The following JMJD8 variants were observed in gnomAD, a reference collection of about 807,000 sequenced individuals.
The protein encoded by JMJD8 is jumonji domain containing 8, also known as jmjC domain-containing protein 8.
Under a neutral mutation model 37.6 loss-of-function variants are expected in JMJD8, and 56 were observed. The observed-to-expected ratio is 1.49, with a 90% confidence interval of 1.20 to 1.86. The LOEUF is 1.86. Ranked by LOEUF, JMJD8 falls within the 40% of genes most tolerant of loss-of-function variation. The pLI is 0.00. For missense variants in JMJD8, 542 were observed against 362.7 expected (o/e 1.49, Z -4.01); for synonymous variants, 261 against 163.7 (o/e 1.59, Z -4.54).
In JMJD8 at chr16:682,982, G is replaced by T; in HGVS notation, c.685C>A (p.Pro229Thr). 2.5e-6 allele frequency: 4 copies of T among 1,613,330 alleles called. No homozygotes were observed. The highest frequency in any genetic ancestry group is 1.3e-5 in the African/African-American group (1 of 75,064). The change falls in exon 8 of 9, where the codon CCC (proline) becomes ACC (threonine). Residue 229 changes from proline to threonine, a missense_variant. Transcript: ENST00000609261. ...TYPALPPSARPLECTIRAGEV... is the reference protein window; with the variant it reads ...TYPALPPSARTLECTIRAGEV... ...CCAGCCCGGATGGTACACTCCAGGG[G>T]CCGTGCAGACGGTGGCAGGGCTGGG...
rs772402519 is a variant in JMJD8, at chr16:684,074, G to A, written c.168C>T (p.Phe56=). Residue 56 remains phenylalanine, a synonymous_variant, in exon 2 of 9, where the codon TTC becomes TTT. Transcript: ENST00000609261. ...ATCAGGGGCGCACGTACTGCTGCAC[G>A]AACTCCGCGTAGGTGAGGTCGGCCC... ...ERRADLTYAE[F]VQQYAFVRPV... is the part of the protein sequence containing the mutation. 6.3e-7 allele frequency: 1 copy of A among 1,579,954 alleles called. No homozygotes were observed. Among genetic ancestry groups the A allele is most frequent in the African/African-American group, 1.3e-5 (1 of 74,468 alleles).
rs1174012333 is a variant in JMJD8 at position 682,319 on chromosome 16, G to A, written c.*475C>T. ...GCTGGGGGAGCAGGGCCAGTGGCATGGTCCTGGGCCCCATGACTGCCCTCT... is the reference window on the plus strand; with the variant it reads ...GCTGGGGGAGCAGGGCCAGTGGCATAGTCCTGGGCCCCATGACTGCCCTCT... On this transcript the variant is annotated 3_prime_UTR_variant, in exon 9 of 9. Transcript: ENST00000609261. The A allele has an allele frequency of 6.2e-7, 1 of 1,612,768 alleles. No homozygotes were observed. The highest frequency in any genetic ancestry group is 8.5e-7 in the Non-Finnish European group (1 of 1,179,864).
At chr16:683,632 C>T (rs1374830318) in intron 4 of JMJD8, 34 bp from the exon 5 acceptor site, 6 of 1,576,128 alleles carry the variant, frequency 3.8e-6, no homozygotes, top group East Asian at 4.7e-5. Flanking sequence ...ACCGTCTGGT[C>T]CAGCCGCCCC....
rs11558084 is a variant in JMJD8, at chr16:684,258, G to A, written c.62C>T (p.Ser21Phe). The change falls in exon 1 of 9, where the codon TCC becomes TTC. Residue 21 changes from serine (S) to phenylalanine (F), a missense_variant. Physicochemically the swap from Ser to Phe is radical, Grantham distance 155. Coordinates refer to ENST00000609261, the MANE Select transcript of JMJD8 (RefSeq NM_001005920.4). ...CCACCCGCCGTCGCCCTCCGCCCCG[G>A]AGCCGGGTAGAGCCACAGCCGCCAG... Reference protein sequence around the residue: ...WALAAVALPGSGAEGDGGWRP... With the variant: ...WALAAVALPGFGAEGDGGWRP... 17 of 1,384,220 alleles carry A rather than the reference G, an allele frequency of 1.2e-5. No homozygotes were observed. The East Asian group carries it at 4.3e-4, about 35-fold the overall frequency. The allele number at this position is 1,384,220 out of a possible 1,614,324, so 85.7% of individuals were successfully genotyped here.
chr16:683,022 C>G lies in JMJD8; in HGVS notation c.645G>C (p.Trp215Cys), dbSNP rs565880851. 2 of 1,613,344 alleles carry G rather than the reference C, an allele frequency of 1.2e-6. No homozygotes were observed. The highest frequency in any genetic ancestry group is 2.7e-5 in the African/African-American group (2 of 74,934). The change falls in exon 8 of 9, where the codon TGG (tryptophan) becomes TGC (cysteine). Residue 215 changes from tryptophan (W) to cysteine (C), a missense_variant. Trp to Cys is a radical substitution (Grantham distance 215). Coordinates refer to ENST00000609261, the MANE Select transcript of JMJD8 (RefSeq NM_001005920.4). ...EFHPNKTTLAWLRDTYPALPP... is the reference protein window; with the variant it reads ...EFHPNKTTLACLRDTYPALPP... ...GCAGGGCTGGGTATGTGTCCCGGAG[C>G]CAGGCCAGCGTGGTCTTGTTGGGGT... is the stretch of plus-strand genomic sequence containing the variant.
Position 682,838 on chromosome 16 carries a change from G to A in JMJD8, c.751C>T (p.Leu251Phe), listed in dbSNP as rs2039732552. 1 of 1,613,072 alleles carries A rather than the reference G, an allele frequency of 6.2e-7. No homozygotes were observed. ...YFPDRWWHAT[L>F]NLDTSVFIST... ...ATGAAGACGCTGGTGTCAAGGTTGA[G>A]CGTAGCATGCCACCAGCGGTCGGGG... Residue 251 changes from leucine (L) to phenylalanine (F), a missense_variant, in exon 9 of 9, where the codon CTC becomes TTC. By Grantham distance (22) the Leu-to-Phe change is conservative (BLOSUM62 0). Transcript: ENST00000609261.
chr16:682,061 G>A lies in JMJD8; in HGVS notation c.*733C>T, dbSNP rs1387331325. The A allele has an allele frequency of 6.3e-7, 1 of 1,584,178 alleles. No homozygotes were observed. The highest frequency in any genetic ancestry group is 8.6e-7 in the Non-Finnish European group (1 of 1,159,434). ...ACATGGACGAGCTTTTTTCTCAGGT[G>A]GATGAGAAGAGGAAGGTGAGTGTGT... On this transcript the variant is annotated 3_prime_UTR_variant, in exon 9 of 9. Transcript: ENST00000609261.
rs747709994 is a variant in JMJD8 at position 683,887 on chromosome 16, T to C, written c.199A>G (p.Ile67Val). The C allele has an allele frequency of 2.5e-6, 4 of 1,583,034 alleles. No individual in the cohort carries two copies. The South Asian group carries it at 4.6e-5, about 18-fold the overall frequency. Residue 67 changes from isoleucine (I) to valine (V), a missense_variant, in exon 3 of 9, where the codon ATC (isoleucine) becomes GTC (valine). Physicochemically the swap from Ile to Val is conservative, Grantham distance 29. Transcript: ENST00000609261. Reference sequence around the variant, plus strand: ...GAGTTGTCCGTGAGTCCCTGCAGGATGACGGGCCTGACGAAGGCGTACCTG... The same window carrying C: ...GAGTTGTCCGTGAGTCCCTGCAGGACGACGGGCCTGACGAAGGCGTACCTG... ...VQQYAFVRPV[I>V]LQGLTDNSRF... is the part of the protein sequence containing the mutation.
rs941757224 is a variant in JMJD8, at chr16:682,067, G to C, written c.*727C>G. ...ACGAGCTTTTTTCTCAGGTGGATGA[G>C]AAGAGGAAGGTGAGTGTGTGTCGCT... On this transcript the variant is annotated 3_prime_UTR_variant, in exon 9 of 9. Transcript: ENST00000609261. 6.3e-7 allele frequency: 1 copy of C among 1,583,314 alleles called. No individual in the cohort carries two copies. The highest frequency in any genetic ancestry group is 1.3e-5 in the African/African-American group (1 of 74,602).
chr16:682,703 G>A lies in JMJD8; in HGVS notation c.*91C>T, dbSNP rs1043231271. On this transcript the variant is annotated 3_prime_UTR_variant, in exon 9 of 9. Coordinates refer to ENST00000609261, the MANE Select transcript of JMJD8 (RefSeq NM_001005920.4). ...AGCAGGTGAGGGTGGGCTGGGCTGA[G>A]GCCATTGCCGCCACTATCTGTGTAA... 5 of 1,487,354 alleles carry A rather than the reference G, an allele frequency of 3.4e-6. No individual in the cohort carries two copies. Among genetic ancestry groups the A allele is most frequent in the African/African-American group, 1.4e-5 (1 of 72,638 alleles). 92.1% of individuals were successfully genotyped at this position (1,487,354 alleles called of 1,614,324 possible). A position where few individuals can be genotyped will look rare whatever the true frequency, so the allele number is the denominator to read the frequency against.
In JMJD8 at chr16:682,803, G is replaced by A. The variant is rs1292109816; in HGVS notation, c.786C>T (p.Phe262=). 1 of 1,613,006 alleles carries A rather than the reference G, an allele frequency of 6.2e-7. No homozygotes were observed. ...NLDTSVFIST[F]LG ...CTGCCAGCTGTTTTGGCTAGCCGAG[G>A]AAGGTGGAGATGAAGACGCTGGTGT... is the stretch of plus-strand genomic sequence containing the variant. The change falls in exon 9 of 9, where the codon TTC becomes TTT. Residue 262 remains phenylalanine (F), a synonymous_variant. Coordinates refer to ENST00000609261, the MANE Select transcript of JMJD8 (RefSeq NM_001005920.4).
chr16:683,668 G>A lies in JMJD8; in HGVS notation c.322+17C>T. 1.9e-6 allele frequency: 3 copies of A among 1,591,826 alleles called. No homozygotes were observed. Among genetic ancestry groups the A allele is most frequent in the South Asian group, 1.1e-5 (1 of 88,040 alleles). ...GGTGTTGGCAAATGGGCGGGCCCCAGGGGTGAGGCCGCGTACCTTTGTGGT... is the reference window on the plus strand; with the variant it reads ...GGTGTTGGCAAATGGGCGGGCCCCAAGGGTGAGGCCGCGTACCTTTGTGGT... On this transcript the variant is annotated intron_variant, in intron 4 of 8. Coordinates refer to ENST00000609261, the MANE Select transcript of JMJD8 (RefSeq NM_001005920.4).
At position 683,074 on chromosome 16, in the gene JMJD8, TAA is replaced by T; in HGVS notation, c.591_592del (p.Tyr198ProfsTer3). ...GAACTCTGGCGTCTTCTCAGGTGGG[TAA>T]AGGAACCAGCGCTGGGGGCATGAGC... On this transcript the variant is annotated frameshift_variant, in exon 8 of 9. Transcript: ENST00000609261. LOFTEE classifies it high-confidence loss of function. 1 of 1,613,504 alleles carries T rather than the reference TAA, an allele frequency of 6.2e-7. No homozygotes were observed. Among genetic ancestry groups the T allele is most frequent in the Non-Finnish European group, 8.5e-7 (1 of 1,179,848 alleles).
Position 682,555 on chromosome 16 carries a change from C to A in JMJD8, c.*239G>T. ...TGGGCAGAAGCCCCCGGCCCCTATA[C>A]ATAGTTTATGTTCCTGGCCACCCCG... On this transcript the variant is annotated 3_prime_UTR_variant, in exon 9 of 9. Coordinates refer to ENST00000609261, the MANE Select transcript of JMJD8 (RefSeq NM_001005920.4). The A allele has an allele frequency of 6.2e-7, 1 of 1,600,432 alleles. No homozygotes were observed.
intron 4 of JMJD8, 25 bp downstream of exon 4, chr16:683,660 G>C (rs1185177513): frequency 1.3e-6 from 2 of 1,585,848 alleles, no homozygotes; most frequent in Non-Finnish European, 1.7e-6. Context: ...GCAAATGGGC[G>C]GGCCCCAGGG....
rs760532166 is a variant in JMJD8 at position 682,114 on chromosome 16, G to A, written c.*680C>T. On this transcript the variant is annotated 3_prime_UTR_variant, in exon 9 of 9. Coordinates refer to ENST00000609261, the MANE Select transcript of JMJD8 (RefSeq NM_001005920.4). ...CGCTTGCTGCCGATGGCTGGCAGGTGCTCGTGCAGTGCCCCTTTTCAGCCT... is the reference window on the plus strand; with the variant it reads ...CGCTTGCTGCCGATGGCTGGCAGGTACTCGTGCAGTGCCCCTTTTCAGCCT... The A allele has an allele frequency of 8.8e-6, 14 of 1,585,356 alleles. No homozygotes were observed. The East Asian group carries it at 3.2e-4, about 36-fold the overall frequency.
chr16:683,980 C>G (rs2039818548), intron 2 of JMJD8, 71 bp from the exon 3 acceptor site: 2 of 1,555,962 alleles, frequency 1.3e-6, no homozygotes, highest in Non-Finnish European at 1.7e-6. Context: ...CGCGTGCGCG[C>G]GAGGTCAGGG....
In JMJD8 at chr16:683,120, C is replaced by T. The variant is rs765022503; in HGVS notation, c.580-33G>A. On this transcript the variant is annotated intron_variant, in intron 7 of 8. Transcript: ENST00000609261. The stretch of plus-strand genomic sequence containing the variant: ...CATGAGCAGCAGTGTCACCCTTGCC[C>T]GTTTTGGTCAGCGAGTCCCAAGCCT... 4.5e-5 allele frequency: 72 copies of T among 1,613,340 alleles called. No individual in the cohort carries two copies. The Middle Eastern group carries it at 4.9e-4, about 11-fold the overall frequency.
rs749547598 is a variant in JMJD8, at chr16:682,238, G to A, written c.*556C>T. The A allele has an allele frequency of 3.1e-6, 5 of 1,613,042 alleles. No individual in the cohort carries two copies. The Admixed American group carries it at 5.0e-5, about 16-fold the overall frequency. On this transcript the variant is annotated 3_prime_UTR_variant, in exon 9 of 9. Transcript: ENST00000609261. ...ATGCGGGAGCCGTGCATCACGCCCA[G>A]TGGCATCACCTACGACCGCAAGGAC...
Sources: allele counts gnomAD v4.1 joint callset, GRCh38; gene constraint gnomAD v4.1.1; transcripts MANE v1.5; gene names NCBI Gene and HGNC (gene_info 2026-07-23, HGNC 2026-07-21).